SORL1: variants seen among roughly 807,000 people sequenced by gnomAD.
SORL1 encodes the protein sortilin-related receptor.
A neutral mutation model predicts 273.7 loss-of-function variants in SORL1; 127 were observed. The observed-to-expected ratio is 0.46, with a 90% CI of 0.40 to 0.54. The LOEUF (loss-of-function observed/expected upper bound fraction) is 0.54. Among genes scored for constraint, SORL1 ranks in the 20% least tolerant of loss-of-function variants. SORL1 has a pLI of 0.00. For missense variants in SORL1, 2,494 were observed against 2,846.1 expected (o/e 0.88, Z 2.81); for synonymous variants, 1,031 against 1,067.4 (o/e 0.97, Z 0.66).
chr11:121,471,886 G>A (rs576902950), intron 2 of SORL1, among the ~76,000 whole-genome samples: 6 of 152,306 alleles, frequency 3.9e-5, no homozygotes, highest in South Asian at 4.1e-4. Flanking sequence ...AGTGCTCTGG[G>A]GCAGGGCTAG....
At chr11:121,568,068 A>G (rs1161463001) in intron 22 of SORL1, among the ~76,000 whole-genome samples, 2 of 151,870 alleles carry the variant, frequency 1.3e-5, no homozygotes, top group Non-Finnish European at 2.9e-5. Context: ...AATTTCTTTT[A>G]TAGGGACGAG....
chr11:121,606,781 G>T, intron 35 of SORL1, 64 bp from the exon 36 acceptor site: 1 of 946,860 alleles, frequency 1.1e-6, no homozygotes, highest in Non-Finnish European at 1.6e-6. Context: ...TCTAAGCCCA[G>T]GAAAATTCCT....
chr11:121,599,310 C>G (rs1163709607), intron 32 of SORL1, among the ~76,000 whole-genome samples: 1 of 152,176 alleles, frequency 6.6e-6, no homozygotes, highest in Non-Finnish European at 1.5e-5. Context: ...TTTGGGAGGC[C>G]AAGGCGGGTG....
chr11:121,547,332 G>GTTTT (rs143897614), intron 14 of SORL1, among the ~76,000 whole-genome samples: 1 of 121,958 alleles, frequency 8.2e-6, no homozygotes, highest in African/African-American at 3.2e-5. Context: ...AATCTTTGGG[G>GTTTT]TTTTTTTTTT....
Position 121,595,536 on chromosome 11 carries a change from C to G in SORL1, c.4370-87C>G, listed in dbSNP as rs1417109982. ...GTTCCCATTGTAATTTCTAAAGCACCGTAATCTCCTAGCATATTGATTGGT... is the reference window on the plus strand; with the variant it reads ...GTTCCCATTGTAATTTCTAAAGCACGGTAATCTCCTAGCATATTGATTGGT... On this transcript the variant is annotated intron_variant, in intron 31 of 47. Coordinates refer to ENST00000260197, the MANE Select transcript of SORL1 (RefSeq NM_003105.6). This position sits in a 1 kb window ranked among gnomAD's most constrained non-coding sequence, Gnocchi z 5.1. The G allele has an allele frequency of 8.3e-7, 1 of 1,210,856 alleles. No homozygotes were observed. Among genetic ancestry groups the G allele is most frequent in the South Asian group, 1.3e-5 (1 of 75,334 alleles). 75.0% of individuals were successfully genotyped at this position (1,210,856 alleles called of 1,614,324 possible). A position where few individuals can be genotyped will look rare whatever the true frequency, so the allele number is the denominator to read the frequency against.
intron 11 of SORL1, among the ~76,000 whole-genome samples, chr11:121,530,615 G>C (rs1225566255): frequency 6.6e-6 from 1 of 151,980 alleles, no homozygotes; most frequent in Non-Finnish European, 1.5e-5. Context: ...GTGTCTAGGA[G>C]GGCTTTTCTT....
Position 121,606,916 on chromosome 11 carries a change from G to T in SORL1, c.5020G>T (p.Ala1674Ser), listed in dbSNP as rs756121949. ...EAEGVIVGHW[A>S]PPIHTHGLIR... is the part of the protein sequence containing the mutation. ...AGAAGGTGTGATTGTAGGCCACTGGGCTCCTCCCATCCACACCCATGGCCT... is the reference window on the plus strand; with the variant it reads ...AGAAGGTGTGATTGTAGGCCACTGGTCTCCTCCCATCCACACCCATGGCCT... The change falls in exon 36 of 48, where the codon GCT becomes TCT. Residue 1674 changes from alanine (A) to serine (S), a missense_variant. By Grantham distance (99) the Ala-to-Ser change is moderately conservative. Around this residue, in one of 3 missense-constraint regions of SORL1, gnomAD observed 1,609 missense variants for 1,816.4 expected, o/e 0.89. Coordinates refer to ENST00000260197, the MANE Select transcript of SORL1 (RefSeq NM_003105.6). The T allele has an allele frequency of 6.2e-7, 1 of 1,614,096 alleles. No individual in the cohort carries two copies. Among genetic ancestry groups the T allele is most frequent in the South Asian group, 1.1e-5 (1 of 91,086 alleles).
intron 2 of SORL1, among the ~76,000 whole-genome samples, chr11:121,471,507 A>G (rs1389877496): frequency 1.3e-5 from 2 of 152,232 alleles, no homozygotes; most frequent in Non-Finnish European, 2.9e-5. Context: ...GGGGTCTGAC[A>G]CTGTGGCAGC....
intron 30 of SORL1, 166 bp downstream of exon 30, chr11:121,590,340 TGTG>T (rs1176482440): frequency 4.6e-6 from 3 of 651,010 alleles, no homozygotes; most frequent in African/African-American, 3.6e-5. Context: ...TTGAAATAAG[TGTG>T]GTTGGTTTCT....
chr11:121,490,740 C>CA (rs5795272), intron 5 of SORL1, among the ~76,000 whole-genome samples: 99,414 of 118,912 alleles, frequency 0.84, 41,399 homozygotes, highest in East Asian at 0.95. Flanking sequence ...GACTCTGTCT[C>CA]AAAAAAAAAA....
intron 8 of SORL1, among the ~76,000 whole-genome samples, chr11:121,517,013 C>T (rs575439040): frequency 1.3e-5 from 2 of 152,092 alleles, no homozygotes; most frequent in South Asian, 4.1e-4. Context: ...GATCGTGCTA[C>T]TGCACTTCAG....
intron 21 of SORL1, among the ~76,000 whole-genome samples, chr11:121,560,712 G>A (rs1336563616): frequency 6.6e-6 from 1 of 152,194 alleles, no homozygotes; most frequent in African/African-American, 2.4e-5. Context: ...TGTGAAGATA[G>A]CATGAGAACA....
chr11:121,604,105 C>CT, intron 32 of SORL1, 88 bp from the exon 33 acceptor site: 1 of 1,507,570 alleles, frequency 6.6e-7, no homozygotes, highest in Non-Finnish European at 9.0e-7. Flanking sequence ...CCAATTAGTA[C>CT]TTTGCCTAAA....
At position 121,496,970 on chromosome 11, in the gene SORL1, G is replaced by C. The variant is rs752341524; in HGVS notation, c.860G>C (p.Arg287Pro). 1 of 1,613,852 alleles carries C rather than the reference G, an allele frequency of 6.2e-7. No individual in the cohort carries two copies. The highest frequency in any genetic ancestry group is 1.3e-5 in the African/African-American group (1 of 74,854). ...VFRSTDFFQS[R>P]ENQEVILEEV... ...CGAAGTACAGATTTCTTCCAGTCCC[G>C]GGAAAACCAGGAAGTGATCCTTGAG... The change falls in exon 6 of 48, where the codon CGG becomes CCG. Residue 287 changes from arginine (R) to proline (P), a missense_variant. Arg to Pro is a moderately radical substitution (Grantham distance 103). Transcript: ENST00000260197.
intron 7 of SORL1, among the ~76,000 whole-genome samples, chr11:121,513,571 A>G (rs979598931): frequency 1.3e-5 from 2 of 152,226 alleles, no homozygotes; most frequent in Admixed American, 1.3e-4. Context: ...ATGCAGCTTT[A>G]TAACATGAAG....
At chr11:121,601,146 G>C (rs1863384887) in intron 32 of SORL1, among the ~76,000 whole-genome samples, 1 of 146,324 alleles carries the variant, frequency 6.8e-6, no homozygotes, top group African/African-American at 2.5e-5. Context: ...AATATGTGGT[G>C]TTTGGTTTTT....
chr11:121,627,353 G>A lies in SORL1; in HGVS notation c.6365-202G>A, dbSNP rs1863810866. The A allele has an allele frequency of 1.7e-6, 1 of 594,694 alleles. No homozygotes were observed. The highest frequency in any genetic ancestry group is 1.9e-5 in the African/African-American group (1 of 53,886). The allele number at this position is 594,694 out of a possible 1,614,324, so 36.8% of individuals were successfully genotyped here. A position where few individuals can be genotyped will look rare whatever the true frequency, so the allele number is the denominator to read the frequency against. ...GTAATTACCATATTTGCATGCACAA[G>A]GCCCTTGGTCTATCAGCTCATGGCA... is the stretch of plus-strand genomic sequence containing the variant. On this transcript the variant is annotated intron_variant, in intron 46 of 47. Coordinates refer to ENST00000260197, the MANE Select transcript of SORL1 (RefSeq NM_003105.6). The surrounding 1 kb of genome is among the most constrained non-coding windows in gnomAD (Gnocchi z 4.9).
At chr11:121,515,893 C>T (rs552956406) in intron 8 of SORL1, among the ~76,000 whole-genome samples, 25 of 152,242 alleles carry the variant, frequency 1.6e-4, no homozygotes, top group Non-Finnish European at 3.2e-4. Flanking sequence ...GTGATCTGCC[C>T]GCCTTGGACT....
intron 12 of SORL1, among the ~76,000 whole-genome samples, chr11:121,540,322 G>C (rs1170155572): frequency 2.0e-5 from 3 of 151,726 alleles, no homozygotes; most frequent in Non-Finnish European, 4.4e-5. Flanking sequence ...ATTTTTATCT[G>C]AACAGTTTGA....
Sources: gnomAD v4.1 joint callset for allele counts (sites outside exome capture counted in the v4.1 genomes callset) on GRCh38, gnomAD v4.1.1 for gene constraint, gnomAD v4.1.1 regional missense constraint, Gnocchi (gnomAD v3.1) non-coding constraint, MANE v1.5 for transcripts, NCBI Gene and HGNC (gene_info 2026-07-23, HGNC 2026-07-21) for gene names.